Variants in IFT88 observed in about 807,000 individuals in gnomAD.
IFT88 encodes the protein intraflagellar transport protein 88 homolog.
Under a neutral mutation model 119.5 loss-of-function variants are expected in IFT88, and 74 were observed. The ratio of observed to expected loss-of-function variants is 0.62; its 90% CI spans 0.51 to 0.75. The LOEUF (loss-of-function observed/expected upper bound fraction) is 0.75. Ranked by LOEUF, IFT88 falls within the 30% of genes least tolerant of loss-of-function variation. IFT88 has a pLI of 0.00. For missense variants in IFT88, 961 were observed against 977.7 expected (o/e 0.98, Z 0.23); for synonymous variants, 279 against 316.7 (o/e 0.88, Z 1.26).
At chr13:20,669,881 A>G (rs1001548907) in intron 23 of IFT88, among the ~76,000 whole-genome samples, 17 of 152,212 alleles carry the variant, frequency 1.1e-4, no homozygotes, top group Non-Finnish European at 2.2e-4. Context: ...GGCAAGGAGA[A>G]AGTTGATATT....
intron 22 of IFT88, among the ~76,000 whole-genome samples, chr13:20,657,216 G>A (rs2052978123): frequency 1.3e-5 from 2 of 152,164 alleles, no homozygotes; most frequent in Admixed American, 6.5e-5. Flanking sequence ...TGCGTACTCA[G>A]TTGTAAAGTT....
intron 3 of IFT88, among the ~76,000 whole-genome samples, chr13:20,584,484 TA>T (rs2039283900): frequency 6.6e-6 from 1 of 152,232 alleles, no homozygotes; most frequent in Non-Finnish European, 1.5e-5. Flanking sequence ...GTGGCATAAA[TA>T]TTGATCCCTC....
At chr13:20,664,053 T>C (rs71426023) in intron 23 of IFT88, among the ~76,000 whole-genome samples, 1,804 of 152,358 alleles carry the variant, frequency 0.012, 12 homozygotes, top group South Asian at 0.036. Flanking sequence ...CTTGAAGGGT[T>C]ACCTTGATCA....
chr13:20,590,003 A>G, intron 4 of IFT88, 136 bp downstream of exon 4: 1 of 486,494 alleles, frequency 2.1e-6, no homozygotes, highest in East Asian at 3.0e-5. Context: ...TACAAACATT[A>G]TACAAGTCTA....
At position 20,691,219 on chromosome 13, in the gene IFT88, G is replaced by C. The variant is rs754497235; in HGVS notation, c.*44G>C. The stretch of plus-strand genomic sequence containing the variant: ...TTAAAGGAAAGAAATTGCCTTATGA[G>C]ATCATCCTCATGTTAAACCTTGGAT... On this transcript the variant is annotated 3_prime_UTR_variant, in exon 26 of 26. Transcript: ENST00000351808. 1 of 1,549,584 alleles carries C rather than the reference G, an allele frequency of 6.5e-7. No homozygotes were observed. Among genetic ancestry groups the C allele is most frequent in the South Asian group, 1.2e-5 (1 of 84,220 alleles).
chr13:20,602,874 C>T (rs549515476), intron 12 of IFT88, among the ~76,000 whole-genome samples: 2 of 151,156 alleles, frequency 1.3e-5, no homozygotes, highest in African/African-American at 4.9e-5. Flanking sequence ...CAGAGCAAGA[C>T]TCTGTCTTGA....
chr13:20,620,539 G>T (rs2046303303), intron 14 of IFT88, among the ~76,000 whole-genome samples: 1 of 152,168 alleles, frequency 6.6e-6, no homozygotes, highest in African/African-American at 2.4e-5. Flanking sequence ...TTTTCAAGGT[G>T]ATTAGGACAT....
At chr13:20,668,608 A>T (rs2055189876) in intron 23 of IFT88, among the ~76,000 whole-genome samples, 1 of 152,196 alleles carries the variant, frequency 6.6e-6, no homozygotes, top group Admixed American at 6.5e-5. Context: ...TTGGAAAAAA[A>T]CACCACATTC....
At chr13:20,609,651 G>A (rs1003291095) in intron 13 of IFT88, among the ~76,000 whole-genome samples, 2 of 152,150 alleles carry the variant, frequency 1.3e-5, no homozygotes, top group African/African-American at 4.8e-5. Context: ...GGCTGAGGCA[G>A]AAGAATCACT....
In IFT88 at chr13:20,653,876, G is replaced by A; in HGVS notation, c.1950G>A (p.Gln650=). ...IQYFERASLI[Q]PTQVKWQLMV... ...TTCATCTCATTTATTTATTTTATAG[G>A]CCTACACAAGTGAAATGGCAGCTGA... Residue 650 remains glutamine (Q), a splice_region_variant and synonymous_variant, in exon 21 of 26, where the codon CAG becomes CAA. Coordinates refer to ENST00000351808, the MANE Select transcript of IFT88 (RefSeq NM_006531.5). The A allele has an allele frequency of 6.4e-7, 1 of 1,558,358 alleles. No homozygotes were observed. Among genetic ancestry groups the A allele is most frequent in the East Asian group, 2.3e-5 (1 of 43,874 alleles).
intron 8 of IFT88, 139 bp from the exon 9 acceptor site, chr13:20,596,873 TTTC>T (rs2041735302): frequency 6.4e-6 from 3 of 466,378 alleles, no homozygotes; most frequent in Non-Finnish European, 1.2e-5. Flanking sequence ...CCAAGGGAAG[TTTC>T]TGGTAAGAGC....
Position 20,670,364 on chromosome 13 carries a change from G to T in IFT88, c.2176-609G>T, listed in dbSNP as rs150786644. Among the ~76,000 whole-genome samples the T allele has an allele frequency of 1.5e-3, 232 of 152,180 alleles. 1 individual carries two copies. The highest frequency in any genetic ancestry group is 5.4e-3 in the African/African-American group (225 of 41,544). Reference sequence around the variant, plus strand: ...CTTAGGCAAAACAGAACCATAAAATGTAGAAAGAAACCTAACAATGCCACA... The same window carrying T: ...CTTAGGCAAAACAGAACCATAAAATTTAGAAAGAAACCTAACAATGCCACA... On this transcript the variant is annotated intron_variant, in intron 23 of 25. Transcript: ENST00000351808.
At chr13:20,640,727 A>G (rs1466632038) in intron 17 of IFT88, among the ~76,000 whole-genome samples, 3 of 152,090 alleles carry the variant, frequency 2.0e-5, no homozygotes, top group African/African-American at 7.2e-5. Flanking sequence ...TGAACTGTTT[A>G]TTCTGTTCTA....
chr13:20,667,808 A>G (rs1277525788), intron 23 of IFT88, among the ~76,000 whole-genome samples: 1 of 151,912 alleles, frequency 6.6e-6, no homozygotes, highest in Admixed American at 6.6e-5. Flanking sequence ...TTCTGGCCCC[A>G]CACATTCTGG....
Position 20,691,250 on chromosome 13 carries a change from A to G in IFT88, c.*75A>G. On this transcript the variant is annotated 3_prime_UTR_variant, in exon 26 of 26. Coordinates refer to ENST00000351808, the MANE Select transcript of IFT88 (RefSeq NM_006531.5). ...CCTCATGTTAAACCTTGGATTAAAT[A>G]TCTAACCTGTAATTATTTTTTTTCA... is the stretch of plus-strand genomic sequence containing the variant. 7.6e-7 allele frequency: 1 copy of G among 1,322,240 alleles called. No homozygotes were observed. Among genetic ancestry groups the G allele is most frequent in the Non-Finnish European group, 1.0e-6 (1 of 963,146 alleles). The allele number at this position is 1,322,240 out of a possible 1,614,324, so 81.9% of individuals were successfully genotyped here.
chr13:20,578,034 C>CTTTTTTTTTTTTTTTT (rs57202566), intron 2 of IFT88, among the ~76,000 whole-genome samples: 1 of 55,872 alleles, frequency 1.8e-5, no homozygotes, highest in African/African-American at 6.5e-5. Flanking sequence ...CTTGTTACTT[C>CTTTTTTTTTTTTTTTT]TTTTTTTTTT....
chr13:20,597,642 G>A (rs1440363698), intron 9 of IFT88, among the ~76,000 whole-genome samples: 1 of 151,770 alleles, frequency 6.6e-6, no homozygotes, highest in African/African-American at 2.4e-5. Flanking sequence ...TACTTGGGAG[G>A]CTGGAGCAGG....
chr13:20,663,673 T>C (rs926924522), intron 23 of IFT88, 69 bp downstream of exon 23: 1 of 1,111,162 alleles, frequency 9.0e-7, no homozygotes, highest in African/African-American at 1.6e-5. Context: ...AGCTCAAATG[T>C]GTGATGTTAG....
chr13:20,607,395 TG>T lies in IFT88; in HGVS notation c.1112+2292del, dbSNP rs1165800330. The T allele has an allele frequency of 4.8e-6, 3 of 618,576 alleles. No individual in the cohort carries two copies. In the Admixed American group the frequency reaches 5.8e-5, roughly 12 times the overall value. The allele number at this position is 618,576 out of a possible 1,614,324, so 38.3% of individuals were successfully genotyped here. ...ATTAAGGCCACCATGCCCATTTGGG[TG>T]GTCCTCCTGTCCCAGATCATTATAA... is the stretch of plus-strand genomic sequence containing the variant. On this transcript the variant is annotated intron_variant, in intron 13 of 25. Coordinates refer to ENST00000351808, the MANE Select transcript of IFT88 (RefSeq NM_006531.5).
Sources: allele counts gnomAD v4.1 joint callset (sites outside exome capture counted in the v4.1 genomes callset), GRCh38; gene constraint gnomAD v4.1.1; transcripts MANE v1.5; gene names NCBI Gene and HGNC (gene_info 2026-07-23, HGNC 2026-07-21).